The following SPON1 variants were observed in gnomAD, a reference collection of about 807,000 sequenced individuals.
SPON1 encodes spondin 1, also known as spondin-1.
Under a neutral mutation model 111.7 loss-of-function variants are expected in SPON1, and 52 were observed. That is an observed-to-expected ratio of 0.47 (90% CI 0.37 to 0.59). SPON1 has a LOEUF of 0.59. Ranked by LOEUF, SPON1 falls within the 20% of genes least tolerant of loss-of-function variation. The pLI is 0.00. For synonymous variants in SPON1, 410 were observed against 395.8 expected (o/e 1.04, Z -0.43); for missense variants, 957 against 1,068.5 (o/e 0.90, Z 1.46).
At chr11:14,177,126 C>T (rs560110872) in intron 6 of SPON1, among the ~76,000 whole-genome samples, 9 of 152,248 alleles carry the variant, frequency 5.9e-5, no homozygotes, top group East Asian at 1.9e-4. Context: ...CTGCAAGCTC[C>T]GCTTCCCAGG....
intron 1 of SPON1, among the ~76,000 whole-genome samples, chr11:13,981,251 G>C (rs1443661177): frequency 6.6e-6 from 1 of 152,162 alleles, no homozygotes; most frequent in South Asian, 2.1e-4. Context: ...TCCATCTCAG[G>C]AGACTGGGGG....
At chr11:14,099,081 C>T (rs1187710098) in intron 5 of SPON1, among the ~76,000 whole-genome samples, 3 of 152,188 alleles carry the variant, frequency 2.0e-5, no homozygotes, top group Admixed American at 1.3e-4. Context: ...CTTATCCTCA[C>T]CCCCAAGTTA....
chr11:14,042,571 A>AG (rs1400584540), intron 3 of SPON1, among the ~76,000 whole-genome samples: 1 of 152,132 alleles, frequency 6.6e-6, no homozygotes, highest in African/African-American at 2.4e-5. Context: ...GTAGATGGAG[A>AG]GGGTTCCAGT....
rs1554942081 is a variant in SPON1 at position 14,262,994 on chromosome 11, A to G, written c.2260+19A>G. 1 of 1,609,716 alleles carries G rather than the reference A, an allele frequency of 6.2e-7. No homozygotes were observed. The highest frequency in any genetic ancestry group is 8.5e-7 in the Non-Finnish European group (1 of 1,178,472). ...TTCCCAGGTATGGCTCCCAAGTGTC[A>G]GCCTGGGTGGTCTCCAGGACAGGCA... On this transcript the variant is annotated intron_variant, in intron 15 of 15. Transcript: ENST00000576479.
At chr11:14,051,535 CAA>C (rs111822968) in intron 3 of SPON1, among the ~76,000 whole-genome samples, 26 of 130,352 alleles carry the variant, frequency 2.0e-4, no homozygotes, top group Admixed American at 1.6e-4. Flanking sequence ...GAGCCTGTCT[CAA>C]AAAAAAAAAA....
At chr11:14,054,117 C>T (rs541977188) in intron 3 of SPON1, among the ~76,000 whole-genome samples, 60 of 152,320 alleles carry the variant, frequency 3.9e-4, no homozygotes, top group African/African-American at 1.4e-3. Flanking sequence ...ACCACACTCC[C>T]TCCATAATTA....
At chr11:13,975,173 C>T (rs78589084) in intron 1 of SPON1, among the ~76,000 whole-genome samples, 9 of 135,754 alleles carry the variant, frequency 6.6e-5, no homozygotes, top group Non-Finnish European at 3.3e-5. Context: ...TATATTTTTT[C>T]CCCCAGGTAC....
chr11:13,987,974 G>A (rs782817005), intron 2 of SPON1, among the ~76,000 whole-genome samples: 1 of 152,148 alleles, frequency 6.6e-6, no homozygotes, highest in Non-Finnish European at 1.5e-5. Context: ...ATAGTTTGAA[G>A]TCAGGTAGCA....
intron 1 of SPON1, among the ~76,000 whole-genome samples, chr11:13,966,943 G>A (rs1196877556): frequency 3.3e-5 from 5 of 152,218 alleles, no homozygotes; most frequent in African/African-American, 1.2e-4. Context: ...AATATGTTAT[G>A]AGATGATTAT....
At chr11:14,260,949 G>A (rs1008002209) in intron 14 of SPON1, among the ~76,000 whole-genome samples, 197 bp downstream of exon 14, 5 of 152,130 alleles carry the variant, frequency 3.3e-5, no homozygotes, top group South Asian at 2.1e-4. Flanking sequence ...TCCCACTACC[G>A]TCTACAGAAC....
intron 2 of SPON1, 28 bp from the exon 3 acceptor site, chr11:14,041,493 G>A (rs1292012927): frequency 1.9e-6 from 3 of 1,611,808 alleles, no homozygotes; most frequent in Non-Finnish European, 2.5e-6. Flanking sequence ...GATGTTGCAT[G>A]TATTTATTTC....
chr11:14,152,122 A>C (rs1847795156), intron 6 of SPON1, among the ~76,000 whole-genome samples: 2 of 152,150 alleles, frequency 1.3e-5, no homozygotes, highest in African/African-American at 4.8e-5. Flanking sequence ...TGTAGTCTGG[A>C]ATCACCCCTC....
chr11:14,247,236 C>G (rs373378206), intron 7 of SPON1, among the ~76,000 whole-genome samples: 3 of 152,200 alleles, frequency 2.0e-5, no homozygotes, highest in African/African-American at 7.2e-5. Context: ...AGCAAGACCC[C>G]CATCTCTACA....
intron 2 of SPON1, among the ~76,000 whole-genome samples, chr11:14,021,294 G>A (rs1321637405): frequency 1.3e-5 from 2 of 152,092 alleles, no homozygotes; most frequent in African/African-American, 4.8e-5. Flanking sequence ...TTGAATGAGT[G>A]TATGAAAAAA....
intron 2 of SPON1, among the ~76,000 whole-genome samples, chr11:13,993,573 C>T (rs1171841630): frequency 1.3e-5 from 2 of 152,188 alleles, no homozygotes; most frequent in Non-Finnish European, 2.9e-5. Flanking sequence ...ATCGTCTTAT[C>T]AGGCACTTCA....
At position 14,155,228 on chromosome 11, in the gene SPON1, A is replaced by G. The variant is rs1847829956; in HGVS notation, c.825+19660A>G. On this transcript the variant is annotated intron_variant, in intron 6 of 15. Transcript: ENST00000576479. ...CAAAGTCACTTACACATTTTCAAGT[A>G]TCTTTGTCGCAATGCCCCACTCCAG... Among the ~76,000 whole-genome samples the G allele has an allele frequency of 1.3e-5, 2 of 152,200 alleles. 1 individual carries two copies. The highest frequency in any genetic ancestry group is 4.1e-4 in the South Asian group (2 of 4,828).
rs377440214 is a variant in SPON1 at position 14,051,611 on chromosome 11, A to G, written c.479+9957A>G. Among the ~76,000 whole-genome samples, 8 of 151,950 alleles carry G rather than the reference A, an allele frequency of 5.3e-5. No individual in the cohort carries two copies. In the East Asian group the frequency reaches 1.2e-3, roughly 22 times the overall value. On this transcript the variant is annotated intron_variant, in intron 3 of 15. Coordinates refer to ENST00000576479, the MANE Select transcript of SPON1 (RefSeq NM_006108.4). ...TATGTGAGGACAGGAGGAGATGGCC[A>G]TCTTTAAACCATGAAGAGGGCCTTT...
At chr11:14,187,657 C>A (rs1415725372) in intron 6 of SPON1, among the ~76,000 whole-genome samples, 3 of 152,108 alleles carry the variant, frequency 2.0e-5, no homozygotes, top group Non-Finnish European at 2.9e-5. Flanking sequence ...ATCTGTTGCC[C>A]GGGCTGGAGT....
chr11:14,231,110 G>T (rs1300822130), intron 6 of SPON1, among the ~76,000 whole-genome samples: 1 of 151,430 alleles, frequency 6.6e-6, no homozygotes, highest in Non-Finnish European at 1.5e-5. Context: ...ACTGTGCCCA[G>T]CCGCCACTTT....
Sources: gnomAD v4.1 joint callset for allele counts (sites outside exome capture counted in the v4.1 genomes callset) on GRCh38, gnomAD v4.1.1 for gene constraint, MANE v1.5 for transcripts, NCBI Gene and HGNC (gene_info 2026-07-23, HGNC 2026-07-21) for gene names.